TRMT9B: variants seen among roughly 807,000 people sequenced by gnomAD.
TRMT9B encodes the protein tRNA methyltransferase 9B (putative).
Under a neutral mutation model 11.5 loss-of-function variants are expected in TRMT9B, and 16 were observed. The observed-to-expected ratio is 1.39, with a 90% confidence interval of 0.94 to 2.11. The LOEUF (loss-of-function observed/expected upper bound fraction) is 2.11. Ranked by LOEUF, TRMT9B falls within the 30% of genes most tolerant of loss-of-function variation. The pLI is 0.00. For synonymous variants in TRMT9B, 274 were observed against 192.4 expected, an observed-to-expected ratio of 1.42 and a Z score of -3.51; for missense variants, 941 against 553.8, an observed-to-expected ratio of 1.70 and a Z score of -7.02.
Position 12,985,471 on chromosome 8 carries a change from G to C in TRMT9B, c.-199-5363G>C, listed in dbSNP as rs75263845. On this transcript the variant is annotated intron_variant, in intron 1 of 4. Transcript: ENST00000524591. ...AGAGTCAAAGTGTCACCCCAATCTA[G>C]AAAAGCTAATATTGCTTGCTGTCTA... 6.0e-3 allele frequency among the ~76,000 whole-genome samples: 907 copies of C among 152,246 alleles called. 6 individuals are homozygous for C. The highest frequency in any genetic ancestry group is 0.02 in the African/African-American group (812 of 41,534).
chr8:13,014,704 C>G (rs1416454644), intron 4 of TRMT9B, among the ~76,000 whole-genome samples: 1 of 152,122 alleles, frequency 6.6e-6, no homozygotes, highest in Non-Finnish European at 1.5e-5. Flanking sequence ...CTATACAATG[C>G]TTTGAATCTT....
intron 1 of TRMT9B, chr8:12,952,129 G>T: frequency 2.2e-6 from 1 of 445,684 alleles, no homozygotes; most frequent in African/African-American, 2.0e-5. Context: ...TTTGCCCCTG[G>T]CTGCGGGACA....
At chr8:13,005,290 A>C (rs1026634061) in intron 2 of TRMT9B, among the ~76,000 whole-genome samples, 6 of 152,140 alleles carry the variant, frequency 3.9e-5, no homozygotes, top group African/African-American at 1.4e-4. Context: ...GAGAGGCTGC[A>C]AAGCGTAGCG....
At chr8:12,964,261 A>C (rs1310023004) in intron 1 of TRMT9B, among the ~76,000 whole-genome samples, 2 of 152,222 alleles carry the variant, frequency 1.3e-5, no homozygotes. Flanking sequence ...CATGGGGTAC[A>C]TCCTACAGTT....
chr8:13,009,367 A>C (rs1811148885), intron 3 of TRMT9B, among the ~76,000 whole-genome samples: 1 of 152,228 alleles, frequency 6.6e-6, no homozygotes, highest in Non-Finnish European at 1.5e-5. Flanking sequence ...TCAACAAGTC[A>C]CAAGAAAAAT....
rs184909958 is a variant in TRMT9B, at chr8:13,021,422, G to A, written c.743G>A (p.Arg248His). ...GFYSTLGKSF[R>H]SWFFSRSLDE... The stretch of plus-strand genomic sequence containing the variant: ...TACAGCACATTAGGAAAATCGTTTC[G>A]TTCCTGGTTTTTCTCCAGATCTTTG... The change falls in exon 5 of 5, where the codon CGT becomes CAT. Residue 248 changes from arginine (R) to histidine (H), a missense_variant. Transcript: ENST00000524591. The A allele has an allele frequency of 2.4e-5, 38 of 1,613,916 alleles. No homozygotes were observed. Among genetic ancestry groups the A allele is most frequent in the Admixed American group, 1.2e-4 (7 of 59,998 alleles).
At chr8:13,004,842 G>A (rs540610959) in intron 2 of TRMT9B, among the ~76,000 whole-genome samples, 1 of 152,154 alleles carries the variant, frequency 6.6e-6, no homozygotes, top group South Asian at 2.1e-4. Context: ...GCCACAGTGG[G>A]GAAGGGGTCT....
At chr8:12,982,191 C>T (rs1349065111) in intron 1 of TRMT9B, among the ~76,000 whole-genome samples, 1 of 152,150 alleles carries the variant, frequency 6.6e-6, no homozygotes, top group Admixed American at 6.5e-5. Flanking sequence ...ACTGTGCAAT[C>T]TGCAAGAGTG....
At chr8:13,014,074 G>C (rs1812167072) in intron 4 of TRMT9B, among the ~76,000 whole-genome samples, 1 of 152,172 alleles carries the variant, frequency 6.6e-6, no homozygotes. Context: ...TCCTAAAATA[G>C]ATGAAAGATT....
At position 13,021,570 on chromosome 8, in the gene TRMT9B, A is replaced by G; in HGVS notation, c.891A>G (p.Gln297=). 2 of 1,613,940 alleles carry G rather than the reference A, an allele frequency of 1.2e-6. No individual in the cohort carries two copies. Among genetic ancestry groups the G allele is most frequent in the East Asian group, 2.2e-5 (1 of 44,868 alleles). The change falls in exon 5 of 5, where the codon CAA becomes CAG. Residue 297 remains glutamine, a synonymous_variant. Coordinates refer to ENST00000524591, the MANE Select transcript of TRMT9B (RefSeq NM_020844.3). ...ACTCTAGTTTAGACTTTGATCACCA[A>G]GAGCCATTTTCAACAAAAGGGCAAA... ...SRHSSLDFDH[Q]EPFSTKGQSL...
intron 2 of TRMT9B, among the ~76,000 whole-genome samples, chr8:12,994,156 C>T (rs954410159): frequency 6.6e-6 from 1 of 152,152 alleles, no homozygotes. Context: ...AGAGGATAAA[C>T]AGAAGCTTTT....
chr8:12,958,726 C>T (rs1801636256), intron 1 of TRMT9B: 1 of 152,158 alleles, frequency 6.6e-6, no homozygotes, highest in Non-Finnish European at 1.5e-5. Context: ...CAAAAGAATT[C>T]TCCATGTGAC....
In TRMT9B at chr8:12,959,516, C is replaced by CTTTTTTTTTTTTTTTTTTTTTTT. The variant is rs61536433; in HGVS notation, c.-200+13551_-200+13573dup. On this transcript the variant is annotated intron_variant, in intron 1 of 4. Coordinates refer to ENST00000524591, the MANE Select transcript of TRMT9B (RefSeq NM_020844.3). ...TCTCCTCTCCTTTCCTTTTTCCTTCCTTTTTTTTTTTTTTTTTTTTTTTGA... is the reference window on the plus strand; with the variant it reads ...TCTCCTCTCCTTTCCTTTTTCCTTCCTTTTTTTTTTTTTTTTTTTTTTTTTTTTTTTTTTTTTTTTTTTTTTGA... Among the ~76,000 whole-genome samples the CTTTTTTTTTTTTTTTTTTTTTTT allele has an allele frequency of 6.7e-5, 5 of 74,934 alleles. 1 individual carries two copies. Among genetic ancestry groups the CTTTTTTTTTTTTTTTTTTTTTTT allele is most frequent in the East Asian group, 1.0e-3 (2 of 1,954 alleles). The allele number at this position is 74,934 out of a possible 152,430, so 49.2% of individuals were successfully genotyped here. A position where few individuals can be genotyped will look rare whatever the true frequency, so the allele number is the denominator to read the frequency against.
chr8:12,974,255 A>AACT (rs1367442143), intron 1 of TRMT9B, among the ~76,000 whole-genome samples: 1 of 151,894 alleles, frequency 6.6e-6, no homozygotes, highest in African/African-American at 2.4e-5. Context: ...CTGTCCCATT[A>AACT]ACTACTGAGT....
chr8:12,952,245 A>G (rs377582479), intron 1 of TRMT9B: 7 of 435,530 alleles, frequency 1.6e-5, no homozygotes, highest in South Asian at 1.1e-4. Context: ...GAGCGGAGAG[A>G]AGCTTCTGTT....
intron 3 of TRMT9B, chr8:13,006,847 T>G (rs111526025): frequency 2.7e-4 from 57 of 213,994 alleles, no homozygotes; most frequent in Admixed American, 1.0e-3. Flanking sequence ...TTTTGTATTT[T>G]TAGTAGAAAC....
At chr8:12,952,974 G>C (rs148369283) in intron 1 of TRMT9B, among the ~76,000 whole-genome samples, 8,129 of 152,068 alleles carry the variant, frequency 0.053, 271 homozygotes, top group South Asian at 0.097. Flanking sequence ...TCCTGACCTC[G>C]TGATCCGCCT....
At chr8:13,009,800 T>A (rs573810637) in intron 3 of TRMT9B, among the ~76,000 whole-genome samples, 1 of 152,306 alleles carries the variant, frequency 6.6e-6, no homozygotes, top group Non-Finnish European at 1.5e-5. Context: ...TAACATTTAA[T>A]ACATGTTGTT....
At chr8:13,011,423 C>T (rs1474698795) in intron 3 of TRMT9B, 2 of 985,334 alleles carry the variant, frequency 2.0e-6, no homozygotes, top group Non-Finnish European at 1.2e-6. Context: ...ATTTCAGAAG[C>T]AGCAAACTAA....
Sources: gnomAD v4.1 joint callset for allele counts (sites outside exome capture counted in the v4.1 genomes callset) on GRCh38, gnomAD v4.1.1 for gene constraint, MANE v1.5 for transcripts, NCBI Gene and HGNC (gene_info 2026-07-23, HGNC 2026-07-21) for gene names.